Variants in WDFY4 observed in about 807,000 individuals in gnomAD.
WDFY4 encodes WDFY family member 4, also known as WD repeat- and FYVE domain-containing protein 4.
Under a neutral mutation model 351.9 loss-of-function variants are expected in WDFY4, and 169 were observed. That is an observed-to-expected ratio of 0.48 (90% CI 0.42 to 0.55). WDFY4 has a LOEUF of 0.55. Among genes scored for constraint, WDFY4 ranks in the 20% least tolerant of loss-of-function variants. The probability of loss-of-function intolerance (pLI) is 0.00; values close to 1 mark genes in which losing one functional copy is unlikely to be tolerated. For synonymous variants in WDFY4, 1,622 were observed against 1,574.6 expected, an observed-to-expected ratio of 1.03 and a Z score of -0.71; for missense variants, 3,803 against 3,935.6, an observed-to-expected ratio of 0.97 and a Z score of 0.90.
intron 25 of WDFY4, among the ~76,000 whole-genome samples, chr10:48,803,802 T>A (rs2067162498): frequency 6.6e-6 from 1 of 152,148 alleles, no homozygotes; most frequent in African/African-American, 2.4e-5. Context: ...AAGAGGGACT[T>A]CGTTGGCTCT....
rs546176653 is a variant in WDFY4 at position 48,693,741 on chromosome 10, A to G, written c.-18+8740A>G. 2.0e-5 allele frequency among the ~76,000 whole-genome samples: 3 copies of G among 151,440 alleles called. No individual in the cohort carries two copies. In the South Asian group the frequency reaches 6.3e-4, roughly 32 times the overall value. ...CTTGGAGGCTGAAGCCCCCACTTCT[A>G]GTGGCTAGCAGTATATTTCCTTGCT... On this transcript the variant is annotated intron_variant, in intron 1 of 61. Transcript: ENST00000325239.
chr10:48,720,663 C>G (rs2064054429), intron 3 of WDFY4, among the ~76,000 whole-genome samples: 1 of 152,118 alleles, frequency 6.6e-6, no homozygotes, highest in African/African-American at 2.4e-5. Context: ...GACACACACA[C>G]AGAACACACG....
intron 47 of WDFY4, among the ~76,000 whole-genome samples, chr10:48,933,910 G>A (rs1210756321): frequency 1.3e-5 from 2 of 152,136 alleles, no homozygotes; most frequent in Non-Finnish European, 2.9e-5. Flanking sequence ...AACAGTGAGA[G>A]ACCATTGGAG....
At chr10:48,715,808 C>CTTT (rs11101438) in intron 2 of WDFY4, among the ~76,000 whole-genome samples, 3 of 141,296 alleles carry the variant, frequency 2.1e-5, no homozygotes, top group African/African-American at 7.9e-5. Flanking sequence ...CTTTTCTTTT[C>CTTT]TTTTTTTTTT....
At chr10:48,714,711 A>G (rs1315169860) in intron 2 of WDFY4, among the ~76,000 whole-genome samples, 1 of 152,252 alleles carries the variant, frequency 6.6e-6, no homozygotes, top group Admixed American at 6.5e-5. Flanking sequence ...AGGTTTATTC[A>G]TAGAATGTGG....
chr10:48,867,361 G>T lies in WDFY4; in HGVS notation c.6741+19G>T. 1 of 1,445,980 alleles carries T rather than the reference G, an allele frequency of 6.9e-7. No homozygotes were observed. Among genetic ancestry groups the T allele is most frequent in the South Asian group, 1.5e-5 (1 of 68,164 alleles). 89.6% of individuals were successfully genotyped at this position (1,445,980 alleles called of 1,614,324 possible). A position where few individuals can be genotyped will look rare whatever the true frequency, so the allele number is the denominator to read the frequency against. ...TGTGCAAGTAAGAAACAAAACATAG[G>T]CTTTCTCTATACAGCAAGCTGGAAT... On this transcript the variant is annotated intron_variant, in intron 40 of 61. Coordinates refer to ENST00000325239, the MANE Select transcript of WDFY4 (RefSeq NM_001394531.1).
chr10:48,763,480 G>T (rs1467939729), intron 13 of WDFY4, among the ~76,000 whole-genome samples: 1 of 152,234 alleles, frequency 6.6e-6, no homozygotes, highest in African/African-American at 2.4e-5. Flanking sequence ...CACAGCCAGT[G>T]GTCTGGGTGG....
chr10:48,806,228 C>A (rs1871611), intron 27 of WDFY4, 133 bp downstream of exon 27: 317,900 of 825,556 alleles, frequency 0.39, 63,696 homozygotes, highest in East Asian at 0.65. Flanking sequence ...GTTTCCAAGC[C>A]GTGGCCTGTG....
intron 2 of WDFY4, among the ~76,000 whole-genome samples, chr10:48,712,734 G>A (rs957524313): frequency 7.2e-5 from 11 of 152,216 alleles, no homozygotes; most frequent in Non-Finnish European, 1.3e-4. Flanking sequence ...TGTGTAAGAA[G>A]ATAAGCTTGT....
At chr10:48,761,539 G>A (rs868675725) in intron 13 of WDFY4, among the ~76,000 whole-genome samples, 3 of 152,314 alleles carry the variant, frequency 2.0e-5, no homozygotes, top group Non-Finnish European at 4.4e-5. Context: ...AGGCTTTCAG[G>A]AAGAGGAGGC....
chr10:48,895,273 T>C (rs1025949241), intron 44 of WDFY4, among the ~76,000 whole-genome samples: 4 of 152,212 alleles, frequency 2.6e-5, no homozygotes, highest in African/African-American at 9.6e-5. Flanking sequence ...CTCTCTCAAC[T>C]TCCCCAAGAA....
chr10:48,689,314 A>G (rs1239840503), intron 1 of WDFY4, among the ~76,000 whole-genome samples: 1 of 152,202 alleles, frequency 6.6e-6, no homozygotes, highest in Admixed American at 6.5e-5. Flanking sequence ...AAAAACTTAA[A>G]TATCAAAGTC....
rs1367502694 is a variant in WDFY4, at chr10:48,787,875, TTTC to T, written c.3809-652_3809-650del. On this transcript the variant is annotated intron_variant, in intron 20 of 61. Coordinates refer to ENST00000325239, the MANE Select transcript of WDFY4 (RefSeq NM_001394531.1). ...TCTTCTTCTTTCTTCTTCTTTCTTC[TTTC>T]TTTCTTCTTCTTCTCCTTCTTCTTC... 2.2e-5 allele frequency among the ~76,000 whole-genome samples: 2 copies of T among 88,946 alleles called. 1 individual carries two copies. Among genetic ancestry groups the T allele is most frequent in the African/African-American group, 1.3e-4 (2 of 15,778 alleles). The allele number at this position is 88,946 out of a possible 152,430, so 58.4% of individuals were successfully genotyped here. A position where few individuals can be genotyped will look rare whatever the true frequency, so the allele number is the denominator to read the frequency against.
intron 54 of WDFY4, among the ~76,000 whole-genome samples, chr10:48,964,959 C>G (rs1387227405): frequency 6.6e-6 from 1 of 152,196 alleles, no homozygotes; most frequent in East Asian, 1.9e-4. Context: ...GAGGTTTGCT[C>G]AGCTCCCAGG....
chr10:48,925,999 A>T (rs967488792), intron 47 of WDFY4, among the ~76,000 whole-genome samples: 2 of 152,216 alleles, frequency 1.3e-5, no homozygotes, highest in African/African-American at 4.8e-5. Context: ...GGCAGCAAAG[A>T]ATACAGCCAA....
intron 47 of WDFY4, among the ~76,000 whole-genome samples, chr10:48,926,991 AG>A (rs946211377): frequency 2.6e-5 from 4 of 152,194 alleles, no homozygotes; most frequent in African/African-American, 4.8e-5. Flanking sequence ...AGCATTGCCC[AG>A]GGACATTGGC....
chr10:48,805,450 A>G, intron 26 of WDFY4, 29 bp downstream of exon 26: 1 of 1,543,830 alleles, frequency 6.5e-7, no homozygotes, highest in Non-Finnish European at 8.7e-7. Context: ...CAGGGGGAAG[A>G]GCAGGGCCCC....
chr10:48,691,666 A>G (rs902756381), intron 1 of WDFY4, among the ~76,000 whole-genome samples: 2 of 152,218 alleles, frequency 1.3e-5, no homozygotes, highest in Non-Finnish European at 2.9e-5. Flanking sequence ...ATATTTGTTG[A>G]TTTTTGTGTT....
At chr10:48,928,461 C>G (rs1451117592) in intron 47 of WDFY4, among the ~76,000 whole-genome samples, 2 of 150,806 alleles carry the variant, frequency 1.3e-5, no homozygotes, top group African/African-American at 4.9e-5. Flanking sequence ...AAATGGGGAA[C>G]CTGGACTCCA....
Sources: gnomAD v4.1 joint callset for allele counts (sites outside exome capture counted in the v4.1 genomes callset) on GRCh38, gnomAD v4.1.1 for gene constraint, MANE v1.5 for transcripts, NCBI Gene and HGNC (gene_info 2026-07-23, HGNC 2026-07-21) for gene names.